Variants in LIMCH1 observed in about 807,000 individuals in gnomAD.
LIMCH1 encodes LIM and calponin homology domains-containing protein 1.
A neutral mutation model predicts 176.5 loss-of-function variants in LIMCH1; 113 were observed. That is an observed-to-expected ratio of 0.64 (90% CI 0.55 to 0.75). The LOEUF is 0.75. Among genes scored for constraint, LIMCH1 ranks in the 30% least tolerant of loss-of-function variants. The pLI is 0.00. For synonymous variants in LIMCH1, 619 were observed against 645.9 expected, an observed-to-expected ratio of 0.96 and a Z score of 0.63; for missense variants, 1,674 against 1,814.9, an observed-to-expected ratio of 0.92 and a Z score of 1.41.
intron 2 of LIMCH1, among the ~76,000 whole-genome samples, chr4:41,509,313 T>A (rs140918767): frequency 1.3e-5 from 2 of 152,274 alleles, no homozygotes; most frequent in East Asian, 3.9e-4. Flanking sequence ...TGTAGATGAT[T>A]AGATGGAGAC....
chr4:41,520,931 G>A (rs1323134318), intron 2 of LIMCH1, among the ~76,000 whole-genome samples: 1 of 152,146 alleles, frequency 6.6e-6, no homozygotes, highest in Non-Finnish European at 1.5e-5. Flanking sequence ...CAGGCAGGAA[G>A]TTGGCATAGG....
chr4:41,616,887 G>T (rs1240561100), intron 5 of LIMCH1, among the ~76,000 whole-genome samples: 2 of 152,034 alleles, frequency 1.3e-5, no homozygotes, highest in Admixed American at 1.3e-4. Flanking sequence ...TTAGACCCTG[G>T]TCTCTAAATC....
chr4:41,414,835 G>A (rs1012349446), intron 1 of LIMCH1, among the ~76,000 whole-genome samples: 16 of 152,274 alleles, frequency 1.1e-4, no homozygotes, highest in East Asian at 5.8e-4. Flanking sequence ...TGTTGTACAC[G>A]TATTGTGGTC....
At chr4:41,437,816 A>G (rs554768673) in intron 1 of LIMCH1, among the ~76,000 whole-genome samples, 2 of 152,098 alleles carry the variant, frequency 1.3e-5, no homozygotes, top group South Asian at 2.1e-4. Context: ...TATGACTGTA[A>G]GTCATTAAAG....
intron 1 of LIMCH1, among the ~76,000 whole-genome samples, chr4:41,428,800 A>G (rs1582012944): frequency 6.6e-6 from 1 of 151,836 alleles, no homozygotes. Context: ...ATTTCCTGGC[A>G]GTGAGTGAGA....
At chr4:41,441,462 GGTAAAGACACCATT>G (rs2062696061) in intron 1 of LIMCH1, among the ~76,000 whole-genome samples, 1 of 150,870 alleles carries the variant, frequency 6.6e-6, no homozygotes, top group African/African-American at 2.4e-5. Flanking sequence ...TTTTCACTTT[GGTAAAGACACCATT>G]GTGCCTTGGT....
At chr4:41,487,152 C>T (rs1338147174) in intron 1 of LIMCH1, among the ~76,000 whole-genome samples, 3 of 152,234 alleles carry the variant, frequency 2.0e-5, no homozygotes, top group Admixed American at 2.0e-4. Context: ...AGCCACCACG[C>T]CCGGCCGAGA....
intron 20 of LIMCH1, among the ~76,000 whole-genome samples, chr4:41,664,748 C>T (rs1399432646): frequency 6.6e-6 from 1 of 152,222 alleles, no homozygotes; most frequent in African/African-American, 2.4e-5. Flanking sequence ...TGTGGAACCT[C>T]ATCTTGGAGT....
intron 7 of LIMCH1, among the ~76,000 whole-genome samples, chr4:41,626,471 G>T (rs4075923): frequency 2.6e-5 from 4 of 152,062 alleles, no homozygotes; most frequent in African/African-American, 7.3e-5. Flanking sequence ...TCTGTTGCTG[G>T]TGGAAGCCCT....
At chr4:41,390,603 A>G (rs1401688048) in intron 1 of LIMCH1, among the ~76,000 whole-genome samples, 5 of 152,202 alleles carry the variant, frequency 3.3e-5, no homozygotes, top group African/African-American at 1.2e-4. Context: ...TAAACATATC[A>G]CTTTATCTGA....
intron 1 of LIMCH1, among the ~76,000 whole-genome samples, chr4:41,367,960 T>C (rs1479467379): frequency 2.0e-5 from 3 of 151,754 alleles, no homozygotes; most frequent in African/African-American, 7.3e-5. Flanking sequence ...AAAAAATTCC[T>C]CAGCCTTATT....
At chr4:41,467,372 C>G (rs984919678) in intron 1 of LIMCH1, among the ~76,000 whole-genome samples, 5 of 152,102 alleles carry the variant, frequency 3.3e-5, no homozygotes, top group African/African-American at 1.2e-4. Flanking sequence ...AAAGTCATAC[C>G]TGAGACTGGG....
At chr4:41,434,570 G>A (rs944292990) in intron 1 of LIMCH1, among the ~76,000 whole-genome samples, 5 of 152,188 alleles carry the variant, frequency 3.3e-5, no homozygotes, top group African/African-American at 1.2e-4. Flanking sequence ...AGGCTGGAGT[G>A]CAGGGGTGTG....
At chr4:41,533,242 GTGAT>G (rs2077516450), upstream of LIMCH1, among the ~76,000 whole-genome samples, 1 of 152,206 alleles carries the variant, frequency 6.6e-6, no homozygotes, top group Non-Finnish European at 1.5e-5. Flanking sequence ...AATCTCTGAA[GTGAT>G]GTTTTGTCAG....
chr4:41,695,523 G>A (rs928035114), intron 31 of LIMCH1, among the ~76,000 whole-genome samples: 1 of 151,594 alleles, frequency 6.6e-6, no homozygotes, highest in African/African-American at 2.4e-5. Context: ...ATATATTTAG[G>A]TCTATTTCTG....
chr4:41,526,052 TA>T (rs2076619982), intron 3 of LIMCH1, among the ~76,000 whole-genome samples: 2 of 152,292 alleles, frequency 1.3e-5, no homozygotes, highest in South Asian at 4.1e-4. Flanking sequence ...AATTAACTGT[TA>T]GGGGCACATG....
chr4:41,584,824 A>G (rs2086159452), intron 1 of LIMCH1, among the ~76,000 whole-genome samples: 1 of 152,212 alleles, frequency 6.6e-6, no homozygotes, highest in South Asian at 2.1e-4. Flanking sequence ...GGCTGCTATA[A>G]GAAAATACTA....
chr4:41,365,912 A>G (rs749736420), intron 1 of LIMCH1, among the ~76,000 whole-genome samples: 1 of 152,240 alleles, frequency 6.6e-6, no homozygotes, highest in Non-Finnish European at 1.5e-5. Flanking sequence ...CAGACTGAGC[A>G]CTGGCTACCA....
intron 4 of LIMCH1, 75 bp downstream of exon 4, chr4:41,606,079 A>T: frequency 1.0e-6 from 1 of 1,000,890 alleles, no homozygotes. Flanking sequence ...TGTTTTTAAG[A>T]TTACTAGAGT....
Sources: allele counts gnomAD v4.1 joint callset (sites outside exome capture counted in the v4.1 genomes callset), GRCh38; gene constraint gnomAD v4.1.1; transcripts MANE v1.5; gene names NCBI Gene and HGNC (gene_info 2026-07-23, HGNC 2026-07-21).